DDX59: variants seen among roughly 807,000 people sequenced by gnomAD.
The protein encoded by DDX59 is DEAD-box helicase 59.
DDX59 carries 30 observed loss-of-function variants against 51.9 expected under a neutral mutation model. That is an observed-to-expected ratio of 0.58 (90% confidence interval 0.43 to 0.78). The LOEUF (loss-of-function observed/expected upper bound fraction) is 0.78, where lower values mean the gene tolerates loss of function less well. Among genes scored for constraint, DDX59 ranks in the 30% least tolerant of loss-of-function variants. The probability of loss-of-function intolerance (pLI) is 0.00; values close to 1 mark genes in which losing one functional copy is unlikely to be tolerated. For missense variants in DDX59, 672 were observed against 730.8 expected, an observed-to-expected ratio of 0.92 and a Z score of 0.93; for synonymous variants, 255 against 253.3, an observed-to-expected ratio of 1.01 and a Z score of -0.06.
intron 7 of DDX59, among the ~76,000 whole-genome samples, chr1:200,644,842 G>A (rs1178250779): frequency 1.4e-5 from 2 of 140,256 alleles, no homozygotes; most frequent in East Asian, 4.3e-4. Context: ...CTTGCAATGA[G>A]CTGAGATCGT....
chr1:200,651,527 T>C (rs1661662178), intron 4 of DDX59, among the ~76,000 whole-genome samples: 1 of 152,154 alleles, frequency 6.6e-6, no homozygotes, highest in Non-Finnish European at 1.5e-5. Flanking sequence ...AGGCTACAGC[T>C]TTGATCCCCG....
intron 2 of DDX59, among the ~76,000 whole-genome samples, chr1:200,664,506 A>G (rs1039208526): frequency 6.6e-5 from 10 of 152,178 alleles, no homozygotes; most frequent in African/African-American, 2.4e-4. Flanking sequence ...TTCTTTGTCC[A>G]TATAACTTAC....
intron 4 of DDX59, among the ~76,000 whole-genome samples, chr1:200,657,813 A>G (rs1165515912): frequency 6.6e-6 from 1 of 151,490 alleles, no homozygotes; most frequent in Admixed American, 6.6e-5. Flanking sequence ...GCTACTCAGG[A>G]GGCTGAGGCA....
At position 200,650,526 on chromosome 1, in the gene DDX59, T is replaced by C. The variant is rs145102433; in HGVS notation, c.1213A>G (p.Ile405Val). Residue 405 changes from isoleucine (I) to valine (V), a missense_variant, in exon 5 of 8, where the codon ATT (isoleucine) becomes GTT (valine). Transcript: ENST00000331314. ...ASQLLHNPVR[I>V]ITGEKNLPCA... ...GGTAGGTTCTTTTCTCCAGTGATAA[T>C]TCTCACAGGATTATGCAGAAGCTGG... The C allele has an allele frequency of 1.6e-3, 2,589 of 1,614,094 alleles. 3 individuals carry two copies. The highest frequency in any genetic ancestry group is 2.1e-3 in the Non-Finnish European group (2,475 of 1,179,984).
chr1:200,653,861 C>T (rs1360210172), intron 4 of DDX59, among the ~76,000 whole-genome samples: 1 of 152,116 alleles, frequency 6.6e-6, no homozygotes, highest in African/African-American at 2.4e-5. Context: ...GAGAGCTCTC[C>T]CTGACTACCA....
chr1:200,649,575 G>A (rs1661516679), intron 5 of DDX59, among the ~76,000 whole-genome samples: 1 of 142,380 alleles, frequency 7.0e-6, no homozygotes, highest in African/African-American at 2.6e-5. Context: ...GTTGCAGTGA[G>A]CTGAGACCAT....
chr1:200,665,768 T>C (rs1662685379), intron 2 of DDX59, among the ~76,000 whole-genome samples, 169 bp downstream of exon 2: 1 of 152,246 alleles, frequency 6.6e-6, no homozygotes, highest in South Asian at 2.1e-4. Flanking sequence ...CCTGAAATTA[T>C]GTTTTCATAC....
At position 200,658,986 on chromosome 1, in the gene DDX59, G is replaced by C. The variant is rs1334746012; in HGVS notation, c.1062+41C>G. 15 of 1,470,814 alleles carry C rather than the reference G, an allele frequency of 1.0e-5. No homozygotes were observed. The Admixed American group carries it at 2.6e-4, about 25-fold the overall frequency. The allele number at this position is 1,470,814 out of a possible 1,614,324, so 91.1% of individuals were successfully genotyped here. On this transcript the variant is annotated intron_variant, in intron 4 of 7. Coordinates refer to ENST00000331314, the MANE Select transcript of DDX59 (RefSeq NM_001031725.6). ...TATATAACTATACTTTCCATAAATT[G>C]TGTAAAATCATGTAACTGTTTTTTA...
intron 4 of DDX59, among the ~76,000 whole-genome samples, chr1:200,655,614 C>A (rs920268704): frequency 1.3e-5 from 2 of 152,184 alleles, no homozygotes; most frequent in African/African-American, 4.8e-5. Context: ...CTGCCCCCTG[C>A]ACACATGCAC....
chr1:200,656,837 T>A (rs1475096739), intron 4 of DDX59, among the ~76,000 whole-genome samples: 1 of 152,134 alleles, frequency 6.6e-6, no homozygotes, highest in Non-Finnish European at 1.5e-5. Context: ...GAGGATCACT[T>A]GAGCCCAGGA....
intron 3 of DDX59, among the ~76,000 whole-genome samples, chr1:200,661,396 G>A (rs944179485): frequency 1.4e-4 from 21 of 151,962 alleles, no homozygotes; most frequent in Non-Finnish European, 2.9e-4. Context: ...ACTCAAAGGG[G>A]AAAAAAATAA....
chr1:200,667,113 T>A (rs927108238), intron 1 of DDX59, among the ~76,000 whole-genome samples: 3 of 150,296 alleles, frequency 2.0e-5, no homozygotes, highest in Non-Finnish European at 4.4e-5. Context: ...CTCAAAAAAA[T>A]TTTTAAAAAG....
downstream of DDX59, among the ~76,000 whole-genome samples, chr1:200,642,979 A>G (rs1219649692): frequency 6.6e-6 from 1 of 152,236 alleles, no homozygotes; most frequent in Non-Finnish European, 1.5e-5. Flanking sequence ...ACTGCCAGCA[A>G]ATTAAGTAAA....
intron 3 of DDX59, among the ~76,000 whole-genome samples, chr1:200,660,220 C>T (rs929829986): frequency 6.6e-6 from 1 of 152,204 alleles, no homozygotes; most frequent in African/African-American, 2.4e-5. Flanking sequence ...GCACAATCTT[C>T]TTTATCTGTA....
rs373422256 is a variant in DDX59, at chr1:200,666,471, G to A, written c.270C>T (p.Pro90=). ...GAKDSHPSEE[P]VKSFSKTQRW... The stretch of plus-strand genomic sequence containing the variant: ...GCTGTGTTTTGGAAAATGACTTAAC[G>A]GGCTCTTCAGAAGGATGGCTGTCCT... Residue 90 remains proline, a synonymous_variant, in exon 2 of 8, where the codon CCC becomes CCT. Transcript: ENST00000331314. The A allele has an allele frequency of 1.2e-5, 20 of 1,613,958 alleles. No homozygotes were observed. Among genetic ancestry groups the A allele is most frequent in the East Asian group, 4.5e-5 (2 of 44,904 alleles).
chr1:200,649,784 C>T (rs918686756), intron 5 of DDX59, among the ~76,000 whole-genome samples: 10 of 151,878 alleles, frequency 6.6e-5, no homozygotes, highest in African/African-American at 1.7e-4. Flanking sequence ...ATTTTAAGTG[C>T]GATTAATGTA....
In DDX59 at chr1:200,651,405, G is replaced by C. The variant is rs141112806; in HGVS notation, c.1063-729C>G. 7.4e-3 allele frequency among the ~76,000 whole-genome samples: 1,122 copies of C among 152,222 alleles called. 19 individuals are homozygous for C. Among genetic ancestry groups the C allele is most frequent in the African/African-American group, 0.025 (1,042 of 41,520 alleles). On this transcript the variant is annotated intron_variant, in intron 4 of 7. Transcript: ENST00000331314. ...TATGAAGGCTCCACCCTTATGAATG[G>C]AATTAGTGCCCTTCTAAAAGAGGCT...
chr1:200,666,509 C>G lies in DDX59; in HGVS notation c.232G>C (p.Glu78Gln), dbSNP rs771443325. The G allele has an allele frequency of 1.2e-6, 2 of 1,614,032 alleles. No homozygotes were observed. Among genetic ancestry groups the G allele is most frequent in the Non-Finnish European group, 1.7e-6 (2 of 1,180,038 alleles). ...QLAEVHSVSP[E>Q]QGAKDSHPSE... The stretch of plus-strand genomic sequence containing the variant: ...GGATGGCTGTCCTTCGCACCCTGCT[C>G]GGGACTTACTGAATGAACCTCTGCC... Residue 78 changes from glutamate (E) to glutamine (Q), a missense_variant, in exon 2 of 8, where the codon GAG becomes CAG. Transcript: ENST00000331314.
At chr1:200,668,203 G>C (rs1662911451) in intron 1 of DDX59, among the ~76,000 whole-genome samples, 1 of 152,104 alleles carries the variant, frequency 6.6e-6, no homozygotes, top group African/African-American at 2.4e-5. Context: ...AGCTACTCGG[G>C]AGGCTGAGGC....
Sources: gnomAD v4.1 joint callset for allele counts (sites outside exome capture counted in the v4.1 genomes callset) on GRCh38, gnomAD v4.1.1 for gene constraint, MANE v1.5 for transcripts, NCBI Gene and HGNC (gene_info 2026-07-23, HGNC 2026-07-21) for gene names.